CHN2: variants seen among roughly 807,000 people sequenced by gnomAD.
The protein encoded by CHN2 is chimerin 2.
CHN2 carries 35 observed loss-of-function variants against 56.3 expected under a neutral mutation model. The ratio of observed to expected loss-of-function variants is 0.62; its 90% CI spans 0.47 to 0.82. The LOEUF is 0.82. Among genes scored for constraint, CHN2 ranks in the 40% least tolerant of loss-of-function variants. CHN2 has a pLI of 0.00. For synonymous variants in CHN2, 210 were observed against 212.8 expected (o/e 0.99, Z 0.12); for missense variants, 491 against 580.5 (o/e 0.85, Z 1.58).
At chr7:29,461,861 TGGA>T (rs1334811883) in intron 6 of CHN2, among the ~76,000 whole-genome samples, 3 of 146,832 alleles carry the variant, frequency 2.0e-5, no homozygotes, top group African/African-American at 8.2e-5. Flanking sequence ...GATGGATGGA[TGGA>T]TGGATGGAAG....
chr7:29,387,194 A>G (rs1478842123), intron 3 of CHN2, among the ~76,000 whole-genome samples: 1 of 148,048 alleles, frequency 6.8e-6, no homozygotes, highest in Non-Finnish European at 1.5e-5. Context: ...AATAAATGAG[A>G]ACCTATTGCC....
chr7:29,380,352 T>C (rs1022208770), intron 3 of CHN2, among the ~76,000 whole-genome samples: 4 of 152,074 alleles, frequency 2.6e-5, no homozygotes, highest in Non-Finnish European at 5.9e-5. Context: ...TAAACAGATA[T>C]ACAGTCTATA....
intron 1 of CHN2, among the ~76,000 whole-genome samples, chr7:29,250,346 A>G (rs1788395584): frequency 6.6e-6 from 1 of 152,232 alleles, no homozygotes; most frequent in Non-Finnish European, 1.5e-5. Flanking sequence ...TCCTTAAATG[A>G]CCAAAGGGTT....
chr7:29,237,478 T>TTAGC (rs1475831096), intron 1 of CHN2, among the ~76,000 whole-genome samples: 2 of 110,652 alleles, frequency 1.8e-5, no homozygotes, highest in Non-Finnish European at 4.5e-5. Flanking sequence ...TTATGTCTTC[T>TTAGC]TAGAAGTCAT....
At chr7:29,186,219 A>G (rs17157612) in intron 2 of CHN2, among the ~76,000 whole-genome samples, 17,812 of 152,060 alleles carry the variant, frequency 0.12, 1,223 homozygotes, top group African/African-American at 0.18. Context: ...TGAGTTCCCC[A>G]GAGCCTGGCC....
chr7:29,483,808 C>T (rs1351394238), intron 7 of CHN2: 2 of 1,209,404 alleles, frequency 1.7e-6, no homozygotes, highest in Middle Eastern at 2.9e-4. Flanking sequence ...TTCCTGCCCA[C>T]ACTTAGCACA....
At chr7:29,422,684 ATGTCAGGGCTATTACC>A (rs1370889868) in intron 6 of CHN2, among the ~76,000 whole-genome samples, 1 of 152,234 alleles carries the variant, frequency 6.6e-6, no homozygotes, top group Non-Finnish European at 1.5e-5. Flanking sequence ...TTTCTACGAG[ATGTCAGGGCTATTACC>A]TGTGGTCAGA....
intron 2 of CHN2, among the ~76,000 whole-genome samples, chr7:29,360,534 A>C (rs1481101639): frequency 6.6e-6 from 1 of 152,198 alleles, no homozygotes; most frequent in Non-Finnish European, 1.5e-5. Context: ...AAAACAAAAA[A>C]AATTGACATT....
chr7:29,214,368 G>A (rs7802937), intron 1 of CHN2, among the ~76,000 whole-genome samples: 4,576 of 152,134 alleles, frequency 0.03, 224 homozygotes, highest in African/African-American at 0.1. Flanking sequence ...CCTCTGGCCC[G>A]TCATTCCCTT....
intron 3 of CHN2, among the ~76,000 whole-genome samples, chr7:29,379,299 C>T (rs1225049348): frequency 6.6e-6 from 1 of 152,206 alleles, no homozygotes; most frequent in African/African-American, 2.4e-5. Flanking sequence ...TGGCACAGCA[C>T]TCCATCAGCA....
intron 6 of CHN2, among the ~76,000 whole-genome samples, chr7:29,438,253 T>G (rs968624551): frequency 6.6e-6 from 1 of 152,242 alleles, no homozygotes; most frequent in Non-Finnish European, 1.5e-5. Context: ...ATTTTTTACC[T>G]ATTGAAATAA....
chr7:29,452,583 G>C (rs1784478217), intron 6 of CHN2, among the ~76,000 whole-genome samples: 1 of 152,218 alleles, frequency 6.6e-6, no homozygotes, highest in Non-Finnish European at 1.5e-5. Context: ...GTGGCACACA[G>C]AAACCTACCC....
chr7:29,297,865 C>T (rs529196056), intron 1 of CHN2, among the ~76,000 whole-genome samples: 2 of 152,210 alleles, frequency 1.3e-5, no homozygotes, highest in South Asian at 4.2e-4. Context: ...AAAAAGAAGG[C>T]GTTTTTTAAA....
chr7:29,146,705 T>G (rs1309673729), exon 1 of CHN2: 1 of 1,550,630 alleles, frequency 6.4e-7, no homozygotes, highest in Non-Finnish European at 8.7e-7. Context: ...CAGGGTGGAA[T>G]CTTAAAAATT....
chr7:29,404,570 A>C (rs1380217015), intron 6 of CHN2, among the ~76,000 whole-genome samples: 1 of 152,204 alleles, frequency 6.6e-6, no homozygotes, highest in Admixed American at 6.5e-5. Flanking sequence ...ACACAACCCC[A>C]GGAAAGGAAT....
chr7:29,266,901 T>C (rs559379401), intron 1 of CHN2, among the ~76,000 whole-genome samples: 6 of 152,070 alleles, frequency 3.9e-5, no homozygotes, highest in African/African-American at 7.2e-5. Flanking sequence ...TGGGCCTCTG[T>C]CTCCTCTTTT....
intron 7 of CHN2, among the ~76,000 whole-genome samples, chr7:29,484,494 C>G (rs950950034): frequency 1.3e-5 from 2 of 152,180 alleles, no homozygotes; most frequent in Non-Finnish European, 2.9e-5. Flanking sequence ...TGCGGCAGTC[C>G]TTGGCGTTCT....
At chr7:29,185,652 A>T (rs1371555811) in intron 2 of CHN2, 1 of 151,954 alleles carries the variant, frequency 6.6e-6, no homozygotes, top group Non-Finnish European at 1.5e-5. Flanking sequence ...TGCCACCCTC[A>T]GATTCTGATT....
At chr7:29,174,054 C>T (rs35691739) in intron 2 of CHN2, among the ~76,000 whole-genome samples, 17,910 of 152,054 alleles carry the variant, frequency 0.12, 1,235 homozygotes, top group African/African-American at 0.18. Context: ...CACACACTCC[C>T]AAGCTTCTCT....
Sources: gnomAD v4.1 joint callset for allele counts (sites outside exome capture counted in the v4.1 genomes callset) on GRCh38, gnomAD v4.1.1 for gene constraint, MANE v1.5 for transcripts, NCBI Gene and HGNC (gene_info 2026-07-23, HGNC 2026-07-21) for gene names.